LYPLAL1: variants seen among roughly 807,000 people sequenced by gnomAD.
LYPLAL1 encodes the protein lysophospholipase like 1.
Under a neutral mutation model 19.7 loss-of-function variants are expected in LYPLAL1, and 23 were observed. The ratio of observed to expected loss-of-function variants is 1.17; its 90% confidence interval spans 0.84 to 1.65. The LOEUF (loss-of-function observed/expected upper bound fraction) is 1.65, where lower values mean the gene tolerates loss of function less well. Ranked by LOEUF, LYPLAL1 falls within the 40% of genes most tolerant of loss-of-function variation. The pLI is 0.00. For missense variants in LYPLAL1, 355 were observed against 279.4 expected (o/e 1.27, Z -1.93); for synonymous variants, 119 against 96.3 (o/e 1.24, Z -1.38).
At chr1:219,326,743 A>C in the LYPLAL1 span, among the ~76,000 whole-genome samples, 1 of 152,174 alleles carries the variant, frequency 6.6e-6, no homozygotes, top group East Asian at 1.9e-4. Flanking sequence ...CAAGGGGAAA[A>C]AGTGTCTCTT....
chr1:219,265,506 C>G, the LYPLAL1 span, among the ~76,000 whole-genome samples: 2 of 152,120 alleles, frequency 1.3e-5, no homozygotes, highest in Non-Finnish European at 2.9e-5. Context: ...CCCAATTTAA[C>G]TGAGTTATAG....
chr1:219,310,125 C>T, the LYPLAL1 span, among the ~76,000 whole-genome samples: 1 of 152,132 alleles, frequency 6.6e-6, no homozygotes, highest in East Asian at 1.9e-4. Context: ...GTGAACACTC[C>T]AAGTCTGTTA....
the LYPLAL1 span, among the ~76,000 whole-genome samples, chr1:219,357,111 A>T: frequency 1.3e-5 from 2 of 152,194 alleles, no homozygotes; most frequent in African/African-American, 4.8e-5. Context: ...TGGGAAAAAA[A>T]TTTCAGTTGA....
At chr1:219,189,099 TCTG>T (rs974331278) in intron 2 of LYPLAL1, among the ~76,000 whole-genome samples, 11 of 151,748 alleles carry the variant, frequency 7.2e-5, no homozygotes, top group African/African-American at 2.7e-4. Context: ...GGATTCTACT[TCTG>T]CTGAGCATCT....
the LYPLAL1 span, among the ~76,000 whole-genome samples, chr1:219,265,725 G>A: frequency 6.6e-6 from 1 of 152,060 alleles, no homozygotes; most frequent in African/African-American, 2.4e-5. Context: ...AACCTAGGTG[G>A]TACAGCCTGC....
At chr1:219,399,912 C>T in the LYPLAL1 span, among the ~76,000 whole-genome samples, 1 of 152,180 alleles carries the variant, frequency 6.6e-6, no homozygotes, top group Non-Finnish European at 1.5e-5. Context: ...GCTCCCACAC[C>T]AAACCCGCTG....
At chr1:219,297,336 T>C in the LYPLAL1 span, among the ~76,000 whole-genome samples, 1 of 152,220 alleles carries the variant, frequency 6.6e-6, no homozygotes, top group African/African-American at 2.4e-5. Context: ...ACTGATTGAA[T>C]TCTTAGTAAA....
chr1:219,173,910 C>A lies in LYPLAL1; in HGVS notation c.20C>A (p.Ser7Ter), dbSNP rs540451214. 21 of 1,613,218 alleles carry A rather than the reference C, an allele frequency of 1.3e-5. 1 individual carries two copies. The South Asian group carries it at 2.2e-4, about 17-fold the overall frequency. The change falls in exon 1 of 5, where the codon TCG (serine) becomes TAG (stop). Residue 7 changes from serine to a stop codon, truncating the protein, a stop_gained. Transcript: ENST00000366928. LOFTEE classifies it high-confidence loss of function. ...TCAGCGATGGCGGCTGCGTCGGGGT[C>A]GGTTCTGCAGCGCTGTATCGTGTCG... is the stretch of plus-strand genomic sequence containing the variant. MAAASGSVLQRCIVSPA... is the reference protein window; with the variant it reads MAAASG
the LYPLAL1 span, among the ~76,000 whole-genome samples, chr1:219,356,370 C>T: frequency 6.6e-6 from 1 of 151,942 alleles, no homozygotes; most frequent in Non-Finnish European, 1.5e-5. Flanking sequence ...CATGGTGATG[C>T]GCACCTGTAG....
chr1:219,392,904 A>G, the LYPLAL1 span, among the ~76,000 whole-genome samples: 1 of 152,302 alleles, frequency 6.6e-6, no homozygotes, highest in East Asian at 1.9e-4. Context: ...ATAATCTAAG[A>G]TAATCTTTGA....
the LYPLAL1 span, among the ~76,000 whole-genome samples, chr1:219,402,605 T>C: frequency 6.7e-6 from 1 of 150,084 alleles, no homozygotes; most frequent in Non-Finnish European, 1.5e-5. Flanking sequence ...ATTGTATTAC[T>C]TGCTAAAATA....
chr1:219,219,101 T>A, the LYPLAL1 span, among the ~76,000 whole-genome samples: 3 of 152,184 alleles, frequency 2.0e-5, no homozygotes, highest in Non-Finnish European at 2.9e-5. Context: ...ACAGCATCCA[T>A]AGCTAGTGAA....
chr1:219,224,178 G>A, the LYPLAL1 span, among the ~76,000 whole-genome samples: 3 of 152,210 alleles, frequency 2.0e-5, no homozygotes, highest in Admixed American at 6.5e-5. Context: ...CCAGCTTCTC[G>A]ATTATGTAAC....
the LYPLAL1 span, among the ~76,000 whole-genome samples, chr1:219,435,832 G>GATAATA: frequency 2.6e-5 from 4 of 150,992 alleles, no homozygotes; most frequent in Admixed American, 6.6e-5. Context: ...TCCCAAAAAT[G>GATAATA]ATAATAATAA....
the LYPLAL1 span, among the ~76,000 whole-genome samples, chr1:219,250,848 G>GCTT: frequency 3.9e-5 from 6 of 152,030 alleles, no homozygotes; most frequent in East Asian, 9.6e-4. Flanking sequence ...TAAAATGTTA[G>GCTT]TTCTGCTTTT....
chr1:219,345,683 T>C, the LYPLAL1 span, among the ~76,000 whole-genome samples: 645 of 152,258 alleles, frequency 4.2e-3, 8 homozygotes, highest in African/African-American at 0.015. Context: ...ATCCCATCCA[T>C]TTCCCTTCAC....
chr1:219,324,532 T>A, the LYPLAL1 span, among the ~76,000 whole-genome samples: 1 of 152,188 alleles, frequency 6.6e-6, no homozygotes, highest in East Asian at 1.9e-4. Flanking sequence ...GCAGCTAAAA[T>A]TTAATAGGAA....
chr1:219,180,135 T>TA (rs1325966453), intron 2 of LYPLAL1, among the ~76,000 whole-genome samples: 10 of 152,294 alleles, frequency 6.6e-5, no homozygotes, highest in Admixed American at 6.5e-4. Context: ...TAGCTGAGAA[T>TA]ACAGGCATGT....
At chr1:219,430,116 A>G in the LYPLAL1 span, among the ~76,000 whole-genome samples, 2 of 152,136 alleles carry the variant, frequency 1.3e-5, no homozygotes, top group South Asian at 4.2e-4. Flanking sequence ...CAACATGGTA[A>G]AACCTCATCT....
Sources: gnomAD v4.1 joint callset for allele counts (sites outside exome capture counted in the v4.1 genomes callset) on GRCh38, gnomAD v4.1.1 for gene constraint, MANE v1.5 for transcripts, NCBI Gene and HGNC (gene_info 2026-07-23, HGNC 2026-07-21) for gene names.